The following CPHXL2 variants were observed in gnomAD, a reference collection of about 807,000 sequenced individuals.
CPHXL2 encodes cytoplasmic polyadenylated homeobox-like protein 2.
chr16:75,662,293 C>T, the CPHXL2 span, among the ~76,000 whole-genome samples: 1 of 151,666 alleles, frequency 6.6e-6, no homozygotes, highest in African/African-American at 2.4e-5. Context: ...TATCTGGAAG[C>T]TCCCCAAACC....
chr16:75,663,292 G>C, the CPHXL2 span, among the ~76,000 whole-genome samples: 1 of 152,138 alleles, frequency 6.6e-6, no homozygotes, highest in Non-Finnish European at 1.5e-5. Context: ...CCATGACTAG[G>C]CACAATGAAC....
At chr16:75,676,640 A>C in the CPHXL2 span, among the ~76,000 whole-genome samples, 1 of 152,206 alleles carries the variant, frequency 6.6e-6, no homozygotes, top group Non-Finnish European at 1.5e-5. Context: ...TCTCTGCTTT[A>C]ATAATTATTA....
chr16:75,666,233 C>G, the CPHXL2 span, among the ~76,000 whole-genome samples: 1 of 152,166 alleles, frequency 6.6e-6, no homozygotes, highest in East Asian at 1.9e-4. Flanking sequence ...GAAAATATCA[C>G]AATCCTAAAT....
the CPHXL2 span, among the ~76,000 whole-genome samples, chr16:75,670,796 G>C: frequency 0.099 from 15,074 of 152,136 alleles, 1,296 homozygotes; most frequent in African/African-American, 0.23. Context: ...CACGCCAGGC[G>C]TAAAATTTTA....
the CPHXL2 span, among the ~76,000 whole-genome samples, chr16:75,662,659 G>T: frequency 6.6e-6 from 1 of 151,958 alleles, no homozygotes. Flanking sequence ...CATTCAATTT[G>T]TCTAATCTTT....
At chr16:75,661,461 C>T in the CPHXL2 span, among the ~76,000 whole-genome samples, 1 of 152,032 alleles carries the variant, frequency 6.6e-6, no homozygotes, top group East Asian at 1.9e-4. Flanking sequence ...ATTTCTAGAA[C>T]CATAACCTCC....
the CPHXL2 span, among the ~76,000 whole-genome samples, chr16:75,664,803 T>C: frequency 6.6e-6 from 1 of 152,012 alleles, no homozygotes; most frequent in Non-Finnish European, 1.5e-5. Context: ...ATGGGAGTGG[T>C]ACTGGTGGCT....
the CPHXL2 span, among the ~76,000 whole-genome samples, chr16:75,661,691 A>G: frequency 6.6e-6 from 1 of 151,984 alleles, no homozygotes; most frequent in African/African-American, 2.4e-5. Context: ...TTAATAATGT[A>G]TTTTCTGATA....
the CPHXL2 span, chr16:75,660,635 G>A: frequency 7.0e-5 from 28 of 398,506 alleles, no homozygotes; most frequent in Non-Finnish European, 1.2e-4. Context: ...GCAGCAGTGA[G>A]AGACAGAATG....
chr16:75,662,306 CTT>C, the CPHXL2 span, among the ~76,000 whole-genome samples: 6 of 142,136 alleles, frequency 4.2e-5, no homozygotes, highest in Non-Finnish European at 7.7e-5. Context: ...CCCAAACCCA[CTT>C]TTTTTTTTTC....
the CPHXL2 span, among the ~76,000 whole-genome samples, chr16:75,664,625 C>CAAAAAAAAAAAAA: frequency 1.8e-5 from 2 of 113,084 alleles, no homozygotes; most frequent in African/African-American, 7.3e-5. Context: ...AACTCCATCT[C>CAAAAAAAAAAAAA]AAAAAAAAAA....
chr16:75,660,472 G>T, the CPHXL2 span: 27 of 398,516 alleles, frequency 6.8e-5, no homozygotes, highest in Non-Finnish European at 1.0e-4. Context: ...AGTTGACTCT[G>T]CAGCTGTGAC....
At chr16:75,668,451 A>G in the CPHXL2 span, among the ~76,000 whole-genome samples, 1 of 151,396 alleles carries the variant, frequency 6.6e-6, no homozygotes, top group Non-Finnish European at 1.5e-5. Context: ...CTGGTCTCAA[A>G]CTCCTGACCT....
At chr16:75,673,979 TA>T in the CPHXL2 span, among the ~76,000 whole-genome samples, 3,521 of 90,436 alleles carry the variant, frequency 0.039, 38 homozygotes, top group Middle Eastern at 0.053. Flanking sequence ...GATCTCGTCT[TA>T]AAAAAAAAAA....
chr16:75,661,094 ACT>A, the CPHXL2 span: 5 of 400,128 alleles, frequency 1.2e-5, no homozygotes, highest in East Asian at 3.6e-5. Context: ...CACAGGAAAA[ACT>A]CTGCTCTGTG....
the CPHXL2 span, among the ~76,000 whole-genome samples, chr16:75,663,238 C>T: frequency 6.6e-6 from 1 of 152,130 alleles, no homozygotes; most frequent in East Asian, 1.9e-4. Flanking sequence ...ACTGAAGCTA[C>T]AAGGATCTTT....
At chr16:75,662,553 A>G in the CPHXL2 span, among the ~76,000 whole-genome samples, 1 of 152,000 alleles carries the variant, frequency 6.6e-6, no homozygotes, top group Non-Finnish European at 1.5e-5. Flanking sequence ...AGTGTAGAAA[A>G]AGACATAGCT....
the CPHXL2 span, among the ~76,000 whole-genome samples, chr16:75,664,373 C>G: frequency 1.3e-5 from 2 of 152,126 alleles, no homozygotes; most frequent in Non-Finnish European, 2.9e-5. Flanking sequence ...TGCCTGTAAT[C>G]CCAGCACTTT....
At chr16:75,670,224 T>G in the CPHXL2 span, among the ~76,000 whole-genome samples, 2 of 152,190 alleles carry the variant, frequency 1.3e-5, no homozygotes, top group Non-Finnish European at 2.9e-5. Flanking sequence ...AGAATTTATC[T>G]TTAAAATTAG....
Sources: gnomAD v4.1 joint callset for allele counts (sites outside exome capture counted in the v4.1 genomes callset) on GRCh38, gnomAD v4.1.1 for gene constraint, MANE v1.5 for transcripts, NCBI Gene and HGNC (gene_info 2026-07-23, HGNC 2026-07-21) for gene names.